Variants in FHIT observed in about 807,000 individuals in gnomAD.
The protein encoded by FHIT is bis(5'-adenosyl)-triphosphatase.
FHIT carries 19 observed loss-of-function variants against 17.9 expected under a neutral mutation model. The observed-to-expected ratio is 1.06, with a 90% CI of 0.74 to 1.56. FHIT has a LOEUF of 1.56. Ranked by LOEUF, FHIT falls within the 40% of genes most tolerant of loss-of-function variation. The pLI is 0.00. For synonymous variants in FHIT, 81 were observed against 69.7 expected, an observed-to-expected ratio of 1.16 and a Z score of -0.81; for missense variants, 248 against 189.2, an observed-to-expected ratio of 1.31 and a Z score of -1.82.
chr3:60,422,055 T>C (rs1186244510), intron 5 of FHIT, among the ~76,000 whole-genome samples: 3 of 152,152 alleles, frequency 2.0e-5, no homozygotes, highest in Non-Finnish European at 2.9e-5. Context: ...TTCTGACATC[T>C]TAAATGCCTC....
chr3:61,023,042 G>C (rs112954766), intron 3 of FHIT, among the ~76,000 whole-genome samples: 184 of 152,280 alleles, frequency 1.2e-3, no homozygotes, highest in African/African-American at 4.0e-3. Flanking sequence ...AGGAAGAGAG[G>C]AAGTCAAATT....
At chr3:60,426,695 T>C (rs966791108) in intron 5 of FHIT, among the ~76,000 whole-genome samples, 1 of 152,152 alleles carries the variant, frequency 6.6e-6, no homozygotes, top group Non-Finnish European at 1.5e-5. Flanking sequence ...CGTTTGATCA[T>C]CACAATTTTC....
intron 3 of FHIT, among the ~76,000 whole-genome samples, chr3:60,875,505 A>C (rs1260728341): frequency 1.3e-5 from 2 of 152,152 alleles, no homozygotes; most frequent in African/African-American, 4.8e-5. Flanking sequence ...GTGCTTGTTC[A>C]GCATGCAGGG....
intron 5 of FHIT, among the ~76,000 whole-genome samples, chr3:60,368,026 A>C (rs959395506): frequency 1.3e-4 from 20 of 152,178 alleles, no homozygotes; most frequent in African/African-American, 4.3e-4. Context: ...TGAAAATCCA[A>C]CATTTTATCT....
At chr3:60,243,450 G>A (rs1016955782) in intron 5 of FHIT, among the ~76,000 whole-genome samples, 2 of 152,058 alleles carry the variant, frequency 1.3e-5, no homozygotes, top group Non-Finnish European at 2.9e-5. Flanking sequence ...ATGGAGAGGC[G>A]ATGGGGAGAG....
chr3:61,018,475 A>G (rs1178475845), intron 3 of FHIT, among the ~76,000 whole-genome samples: 3 of 152,176 alleles, frequency 2.0e-5, no homozygotes, highest in East Asian at 3.8e-4. Context: ...CAGTTATTCT[A>G]GTTTTCCTAA....
intron 4 of FHIT, among the ~76,000 whole-genome samples, chr3:60,645,811 C>T (rs192270423): frequency 6.6e-6 from 1 of 152,168 alleles, no homozygotes; most frequent in Non-Finnish European, 1.5e-5. Flanking sequence ...CCTCAACACT[C>T]CCCAATTCAA....
chr3:60,353,991 A>G (rs538651724), intron 5 of FHIT, among the ~76,000 whole-genome samples: 5 of 152,094 alleles, frequency 3.3e-5, no homozygotes, highest in East Asian at 3.8e-4. Context: ...AGGAAACAAG[A>G]AGAGATGGCC....
intron 5 of FHIT, among the ~76,000 whole-genome samples, chr3:60,204,444 GTTT>G (rs56126245): frequency 3.5e-5 from 4 of 114,974 alleles, no homozygotes; most frequent in African/African-American, 1.3e-4. Context: ...TAATATTCTG[GTTT>G]TTTTTTTTTT....
chr3:60,446,198 C>T (rs2031320685), intron 5 of FHIT, among the ~76,000 whole-genome samples: 1 of 152,092 alleles, frequency 6.6e-6, no homozygotes, highest in East Asian at 1.9e-4. Flanking sequence ...TCTGATAATG[C>T]CAATTGGGGC....
chr3:60,173,915 A>ATATATTTTTTTTT, intron 5 of FHIT, among the ~76,000 whole-genome samples: 10 of 66,438 alleles, frequency 1.5e-4, no homozygotes, highest in Non-Finnish European at 2.5e-4. Flanking sequence ...ATATATATAT[A>ATATATTTTTTTTT]TGTTTTTTTT....
intron 5 of FHIT, among the ~76,000 whole-genome samples, chr3:60,516,638 T>A (rs554371928): frequency 6.6e-6 from 1 of 152,324 alleles, no homozygotes; most frequent in South Asian, 2.1e-4. Flanking sequence ...ATACCAACAG[T>A]ACCCACCTGA....
intron 5 of FHIT, among the ~76,000 whole-genome samples, chr3:60,423,301 T>G (rs1335689107): frequency 1.3e-5 from 2 of 152,114 alleles, no homozygotes; most frequent in Non-Finnish European, 2.9e-5. Flanking sequence ...ATTCAGACTT[T>G]TTAATGATCC....
chr3:59,761,249 A>G (rs2106784033), intron 8 of FHIT, among the ~76,000 whole-genome samples: 1 of 152,346 alleles, frequency 6.6e-6, no homozygotes, highest in East Asian at 1.9e-4. Context: ...AGTAATAGTA[A>G]GCCCTAAACA....
intron 3 of FHIT, among the ~76,000 whole-genome samples, chr3:60,931,595 CCT>C (rs35502892): frequency 0.36 from 54,884 of 151,796 alleles, 10,734 homozygotes; most frequent in South Asian, 0.44. Context: ...GGCTTCCACC[CCT>C]GTTTGTAAAC....
At chr3:60,514,375 G>A (rs763771579) in intron 5 of FHIT, among the ~76,000 whole-genome samples, 9 of 152,312 alleles carry the variant, frequency 5.9e-5, no homozygotes, top group Non-Finnish European at 1.0e-4. Flanking sequence ...TCCCACACCC[G>A]TTTCCTTGCA....
intron 5 of FHIT, among the ~76,000 whole-genome samples, chr3:60,310,148 G>A (rs1372627913): frequency 1.3e-5 from 2 of 152,122 alleles, no homozygotes; most frequent in African/African-American, 2.4e-5. Flanking sequence ...GCAAGTCAAA[G>A]CTGAAAGAAA....
intron 8 of FHIT, among the ~76,000 whole-genome samples, chr3:59,904,993 G>A (rs1479892306): frequency 6.6e-6 from 1 of 152,256 alleles, no homozygotes; most frequent in Non-Finnish European, 1.5e-5. Flanking sequence ...GGACCAATCA[G>A]AGGAGAGCTT....
intron 5 of FHIT, among the ~76,000 whole-genome samples, chr3:60,396,956 T>G (rs1701467201): frequency 6.6e-6 from 1 of 152,134 alleles, no homozygotes; most frequent in Non-Finnish European, 1.5e-5. Flanking sequence ...TGGGAGGATG[T>G]GGGAAGGGGC....
Sources: gnomAD v4.1 joint callset for allele counts (sites outside exome capture counted in the v4.1 genomes callset) on GRCh38, gnomAD v4.1.1 for gene constraint, MANE v1.5 for transcripts, NCBI Gene and HGNC (gene_info 2026-07-23, HGNC 2026-07-21) for gene names.